The following CRTC3 variants were observed in gnomAD, a reference collection of about 807,000 sequenced individuals.
CRTC3 encodes CREB-regulated transcription coactivator 3.
A neutral mutation model predicts 74.5 loss-of-function variants in CRTC3; 26 were observed. The ratio of observed to expected loss-of-function variants is 0.35; its 90% CI spans 0.26 to 0.48. The LOEUF (loss-of-function observed/expected upper bound fraction) is 0.48, where lower values mean the gene tolerates loss of function less well. Among genes scored for constraint, CRTC3 ranks in the 20% least tolerant of loss-of-function variants. The pLI is 0.99. For synonymous variants in CRTC3, 377 were observed against 325.8 expected (o/e 1.16, Z -1.69); for missense variants, 760 against 787.3 (o/e 0.97, Z 0.41).
intron 10 of CRTC3, among the ~76,000 whole-genome samples, chr15:90,628,726 G>A (rs1057406533): frequency 3.3e-5 from 5 of 152,136 alleles, no homozygotes; most frequent in African/African-American, 4.8e-5. Flanking sequence ...ACAGGGAAGT[G>A]TCCCTTCCTG....
intron 2 of CRTC3, among the ~76,000 whole-genome samples, chr15:90,566,795 C>T (rs1289794656): frequency 2.0e-5 from 3 of 151,096 alleles, no homozygotes; most frequent in African/African-American, 7.3e-5. Context: ...ACTGCAACAT[C>T]CACCTCCCAA....
chr15:90,621,052 A>G (rs1471482971), intron 9 of CRTC3, among the ~76,000 whole-genome samples: 3 of 152,140 alleles, frequency 2.0e-5, no homozygotes. Flanking sequence ...CCAACAAAAG[A>G]CAGGCCGCCG....
In CRTC3 at chr15:90,643,972, C is replaced by G. The variant is rs139831867; in HGVS notation, c.*1832C>G. 255 of 232,772 alleles carry G rather than the reference C, an allele frequency of 1.1e-3. 1 individual carries two copies. The highest frequency in any genetic ancestry group is 5.5e-3 in the African/African-American group (249 of 45,414). The allele number at this position is 232,772 out of a possible 1,614,324, so 14.4% of individuals were successfully genotyped here. ...CAAGACCCTGGGCTGGTTAGCCTCT[C>G]CCGACCTCATTCCATTTCTATCTTC... On this transcript the variant is annotated 3_prime_UTR_variant, in exon 15 of 15. Coordinates refer to ENST00000268184, the MANE Select transcript of CRTC3 (RefSeq NM_022769.5).
chr15:90,617,997 T>C (rs368205917), intron 8 of CRTC3, 29 bp downstream of exon 8: 9 of 1,431,794 alleles, frequency 6.3e-6, no homozygotes, highest in Non-Finnish European at 7.9e-6. Context: ...GCTATGTTTG[T>C]TGTCACTGAA....
chr15:90,531,017 G>C (rs1032391295), intron 1 of CRTC3, among the ~76,000 whole-genome samples: 5 of 151,900 alleles, frequency 3.3e-5, no homozygotes, highest in African/African-American at 1.2e-4. Context: ...TGAGGATCCT[G>C]AATGCTGACC....
At chr15:90,549,408 A>T (rs1378958226) in intron 2 of CRTC3, among the ~76,000 whole-genome samples, 1 of 152,172 alleles carries the variant, frequency 6.6e-6, no homozygotes, top group African/African-American at 2.4e-5. Context: ...ATAAAATTGC[A>T]ATTAATAATT....
At position 90,555,163 on chromosome 15, in the gene CRTC3, C is replaced by T. The variant is rs186704259; in HGVS notation, c.231+15026C>T. Among the ~76,000 whole-genome samples the T allele has an allele frequency of 3.2e-3, 492 of 152,266 alleles. 1 individual carries two copies. Among genetic ancestry groups the T allele is most frequent in the Non-Finnish European group, 4.3e-3 (293 of 68,016 alleles). ...TCTGCTGCAGAATGTACCACTCGTG[C>T]TCTTCCATGTGGCAGCCCCCCTTTT... On this transcript the variant is annotated intron_variant, in intron 2 of 14. Coordinates refer to ENST00000268184, the MANE Select transcript of CRTC3 (RefSeq NM_022769.5).
chr15:90,580,604 A>AT (rs1283095426), intron 2 of CRTC3, among the ~76,000 whole-genome samples: 2 of 151,644 alleles, frequency 1.3e-5, no homozygotes, highest in East Asian at 3.9e-4. Flanking sequence ...TAATTTTTAT[A>AT]TTTTTAGTAG....
chr15:90,626,564 T>C (rs574300873), intron 10 of CRTC3, among the ~76,000 whole-genome samples: 1 of 151,908 alleles, frequency 6.6e-6, no homozygotes, highest in East Asian at 1.9e-4. Flanking sequence ...TGTCCACAGC[T>C]CAGACCCCAT....
In CRTC3 at chr15:90,643,665, C is replaced by A. The variant is rs1040537260; in HGVS notation, c.*1525C>A. 4.3e-6 allele frequency: 1 copy of A among 230,266 alleles called. No individual in the cohort carries two copies. Among genetic ancestry groups the A allele is most frequent in the African/African-American group, 2.3e-5 (1 of 43,274 alleles). The allele number at this position is 230,266 out of a possible 1,614,324, so 14.3% of individuals were successfully genotyped here. On this transcript the variant is annotated 3_prime_UTR_variant, in exon 15 of 15. Coordinates refer to ENST00000268184, the MANE Select transcript of CRTC3 (RefSeq NM_022769.5). ...AATAGATGGGCCAGATTTCCACCAC[C>A]GCCTGCCTCCTCTAACTTGGGTGAT...
At chr15:90,560,853 G>A (rs1045181253) in intron 2 of CRTC3, among the ~76,000 whole-genome samples, 14 of 152,176 alleles carry the variant, frequency 9.2e-5, no homozygotes, top group African/African-American at 3.1e-4. Context: ...CTTGTAAGCC[G>A]CTTGGGGGGT....
rs371801003 is a variant in CRTC3, at chr15:90,642,068, C to G, written c.1788C>G (p.Asn596Lys). The G allele has an allele frequency of 6.2e-7, 1 of 1,614,022 alleles. No homozygotes were observed. Residue 596 changes from asparagine to lysine, a missense_variant, in exon 15 of 15, where the codon AAC becomes AAG. By Grantham distance (94) the Asn-to-Lys change is moderately conservative (BLOSUM62 0). Transcript: ENST00000268184. ...AACCCCTGAGCCTGGACGGACTCAA[C>G]ATGTTAAGTGACTCCAGCATGGGCC... ...QIEPLSLDGLNMLSDSSMGLL... is the reference protein window; with the variant it reads ...QIEPLSLDGLKMLSDSSMGLL...
intron 2 of CRTC3, among the ~76,000 whole-genome samples, chr15:90,562,327 A>G (rs774679446): frequency 6.6e-6 from 1 of 152,226 alleles, no homozygotes; most frequent in Non-Finnish European, 1.5e-5. Flanking sequence ...ACCTTCTGAG[A>G]TAGGCATTAT....
chr15:90,564,806 T>C (rs1967085713), intron 2 of CRTC3, among the ~76,000 whole-genome samples: 1 of 152,174 alleles, frequency 6.6e-6, no homozygotes, highest in Non-Finnish European at 1.5e-5. Flanking sequence ...TAAGATACCA[T>C]AGGCAGGAAT....
chr15:90,551,918 C>T (rs1384122838), intron 2 of CRTC3, among the ~76,000 whole-genome samples: 6 of 5,494 alleles, frequency 1.1e-3, no homozygotes, highest in East Asian at 5.1e-3. Context: ...CATTACATTA[C>T]ATTACACACA....
chr15:90,633,204 A>C (rs1284534844), intron 11 of CRTC3, among the ~76,000 whole-genome samples: 1 of 152,042 alleles, frequency 6.6e-6, no homozygotes, highest in Non-Finnish European at 1.5e-5. Context: ...GGAGTTAATA[A>C]ATGTCTGACT....
At chr15:90,611,911 G>A (rs1223141353) in intron 6 of CRTC3, among the ~76,000 whole-genome samples, 1 of 151,924 alleles carries the variant, frequency 6.6e-6, no homozygotes, top group Non-Finnish European at 1.5e-5. Context: ...CCTACATCCT[G>A]CCAAATGACC....
intron 3 of CRTC3, among the ~76,000 whole-genome samples, chr15:90,599,852 G>A (rs1968022854): frequency 3.3e-5 from 5 of 152,176 alleles, no homozygotes; most frequent in Admixed American, 3.3e-4. Flanking sequence ...GCAGTGTACT[G>A]AGAAAAATGG....
At position 90,630,756 on chromosome 15, in the gene CRTC3, A is replaced by ATTTTTTTTTTT. The variant is rs1175467073; in HGVS notation, c.1266+1246_1266+1256dup. Reference sequence around the variant, plus strand: ...CACATCCTCTGTCTATTACAGCATCATTTTTTTTTTTTTTTTTTTTTTTTT... The same window carrying ATTTTTTTTTTT: ...CACATCCTCTGTCTATTACAGCATCATTTTTTTTTTTTTTTTTTTTTTTTTTTTTTTTTTTT... On this transcript the variant is annotated intron_variant, in intron 11 of 14. Transcript: ENST00000268184. Among the ~76,000 whole-genome samples the ATTTTTTTTTTT allele has an allele frequency of 2.5e-4, 6 of 23,654 alleles. 1 individual carries two copies. Among genetic ancestry groups the ATTTTTTTTTTT allele is most frequent in the African/African-American group, 6.4e-4 (6 of 9,430 alleles). The allele number at this position is 23,654 out of a possible 152,430, so 15.5% of individuals were successfully genotyped here. A position where few individuals can be genotyped will look rare whatever the true frequency, so the allele number is the denominator to read the frequency against.
Sources: gnomAD v4.1 joint callset for allele counts (sites outside exome capture counted in the v4.1 genomes callset) on GRCh38, gnomAD v4.1.1 for gene constraint, MANE v1.5 for transcripts, NCBI Gene and HGNC (gene_info 2026-07-23, HGNC 2026-07-21) for gene names.